The following MAST2 variants were observed in gnomAD, a reference collection of about 807,000 sequenced individuals.
The protein encoded by MAST2 is microtubule-associated serine/threonine-protein kinase 2.
Under a neutral mutation model 147.4 loss-of-function variants are expected in MAST2, and 70 were observed. That is an observed-to-expected ratio of 0.47 (90% CI 0.39 to 0.58). The LOEUF is 0.58. Ranked by LOEUF, MAST2 falls within the 20% of genes least tolerant of loss-of-function variation. The pLI, the probability that MAST2 is intolerant of heterozygous loss-of-function variation, is 0.00. For missense variants in MAST2, 2,080 were observed against 2,302.3 expected, an observed-to-expected ratio of 0.90 and a Z score of 1.98; for synonymous variants, 869 against 896.8, an observed-to-expected ratio of 0.97 and a Z score of 0.55.
At chr1:45,923,359 G>A (rs1282402782) in intron 4 of MAST2, among the ~76,000 whole-genome samples, 3 of 152,164 alleles carry the variant, frequency 2.0e-5, no homozygotes, top group Non-Finnish European at 4.4e-5. Context: ...TGGCAGTGAC[G>A]GGCTGCCACT....
intron 16 of MAST2, 71 bp downstream of exon 16, chr1:46,025,886 C>G: frequency 6.3e-7 from 1 of 1,586,956 alleles, no homozygotes; most frequent in South Asian, 1.1e-5. Context: ...TTGGCAAGCA[C>G]AGTAGCTCTA....
chr1:45,831,950 T>A (rs1330705628), intron 3 of MAST2, among the ~76,000 whole-genome samples: 1 of 152,004 alleles, frequency 6.6e-6, no homozygotes, highest in Non-Finnish European at 1.5e-5. Context: ...TGGCTAATTT[T>A]TGTATTTTTA....
rs1570995144 is a variant in MAST2, at chr1:45,970,861, A to G, written c.592+11384A>G. On this transcript the variant is annotated intron_variant, in intron 5 of 28. Coordinates refer to ENST00000361297, the MANE Select transcript of MAST2 (RefSeq NM_015112.3). The stretch of plus-strand genomic sequence containing the variant: ...TTTTACTTGTTAAAACAGAGTGGCA[A>G]CTCCTAAGCTCTTTACATGCCAGGC... Among the ~76,000 whole-genome samples, 3 of 147,452 alleles carry G rather than the reference A, an allele frequency of 2.0e-5. 1 individual carries two copies.
At chr1:45,873,616 C>G (rs1646486034) in intron 3 of MAST2, among the ~76,000 whole-genome samples, 2 of 152,056 alleles carry the variant, frequency 1.3e-5, no homozygotes, top group Admixed American at 6.6e-5. Context: ...CTCAGGTGAA[C>G]AGGTAAGAAT....
At chr1:46,024,075 T>A (rs1169783700) in intron 15 of MAST2, 95 bp downstream of exon 15, 5 of 1,226,128 alleles carry the variant, frequency 4.1e-6, no homozygotes, top group Middle Eastern at 3.8e-4. Context: ...AGGTGAAGTT[T>A]CAGGGCCCAG....
At chr1:45,952,353 T>TA (rs1462816701) in intron 4 of MAST2, among the ~76,000 whole-genome samples, 2 of 152,084 alleles carry the variant, frequency 1.3e-5, no homozygotes, top group African/African-American at 4.8e-5. Flanking sequence ...ATAGAGACAG[T>TA]ACGTTGGTGG....
intron 3 of MAST2, among the ~76,000 whole-genome samples, chr1:45,871,586 G>T (rs1270648671): frequency 2.0e-5 from 3 of 152,164 alleles, no homozygotes; most frequent in Non-Finnish European, 4.4e-5. Context: ...TAGAAAGCCA[G>T]CCCCCTCTGC....
chr1:45,869,729 AT>A (rs1272428132), intron 3 of MAST2, among the ~76,000 whole-genome samples: 4 of 152,346 alleles, frequency 2.6e-5, no homozygotes, highest in East Asian at 3.9e-4. Context: ...GTTACAAAAA[AT>A]AACAGTGTCT....
chr1:45,953,929 T>C (rs1247111834), intron 4 of MAST2, among the ~76,000 whole-genome samples: 10 of 152,168 alleles, frequency 6.6e-5, no homozygotes, highest in Non-Finnish European at 1.5e-5. Context: ...GAATATGTAT[T>C]TTTTTCCCAC....
At chr1:45,993,040 T>C (rs1485852392) in intron 5 of MAST2, among the ~76,000 whole-genome samples, 1 of 152,138 alleles carries the variant, frequency 6.6e-6, no homozygotes, top group Non-Finnish European at 1.5e-5. Context: ...ATAAGAATCT[T>C]CCATTTCTCC....
chr1:45,906,344 T>C (rs780581809), intron 4 of MAST2, among the ~76,000 whole-genome samples: 13 of 152,140 alleles, frequency 8.5e-5, no homozygotes, highest in Admixed American at 3.3e-4. Flanking sequence ...TGTTTGTGTC[T>C]TCATTTTTGG....
At chr1:45,982,151 A>G (rs534327954) in intron 5 of MAST2, among the ~76,000 whole-genome samples, 1 of 152,102 alleles carries the variant, frequency 6.6e-6, no homozygotes, top group Non-Finnish European at 1.5e-5. Context: ...GCCCGGCTGT[A>G]ATTTTGGCCT....
At chr1:45,890,229 A>G (rs1284068508) in intron 4 of MAST2, among the ~76,000 whole-genome samples, 1 of 152,208 alleles carries the variant, frequency 6.6e-6, no homozygotes, top group African/African-American at 2.4e-5. Context: ...CTCTTACATC[A>G]GTTGTAAATA....
At chr1:45,958,191 A>T (rs1452430917) in intron 4 of MAST2, among the ~76,000 whole-genome samples, 1 of 152,032 alleles carries the variant, frequency 6.6e-6, no homozygotes, top group African/African-American at 2.4e-5. Flanking sequence ...ATTTCTAATG[A>T]TAATCTCTTT....
At position 46,032,794 on chromosome 1, in the gene MAST2, T is replaced by C. The variant is rs1223738878; in HGVS notation, c.3537+76T>C. 2.6e-6 allele frequency: 4 copies of C among 1,549,710 alleles called. No individual in the cohort carries two copies. In the East Asian group the frequency reaches 9.0e-5, roughly 35 times the overall value. ...GAGTCTGTGATGGCAGTTAGGGGAG[T>C]GGGTGAGTTGGGTGCACACACATCT... On this transcript the variant is annotated intron_variant, in intron 26 of 28. Coordinates refer to ENST00000361297, the MANE Select transcript of MAST2 (RefSeq NM_015112.3).
Position 46,035,616 on chromosome 1 carries a change from C to T in MAST2, c.4947C>T (p.Thr1649=). Reference sequence around the variant, plus strand: ...GCAGTTGCTCTCCTCCCAGCTCCACCTCTGGGAAGCTGAGCATGTGGTCCT... The same window carrying T: ...GCAGTTGCTCTCCTCCCAGCTCCACTTCTGGGAAGCTGAGCATGTGGTCCT... ...PTSSCSPPSS[T]SGKLSMWSWK... Residue 1649 remains threonine, a synonymous_variant, in exon 29 of 29, where the codon ACC becomes ACT. Transcript: ENST00000361297. The surrounding 1 kb of genome is among the most constrained non-coding windows in gnomAD (Gnocchi z 5.5). 3.1e-6 allele frequency: 5 copies of T among 1,613,942 alleles called. No homozygotes were observed. Among genetic ancestry groups the T allele is most frequent in the Non-Finnish European group, 4.2e-6 (5 of 1,180,010 alleles).
chr1:45,825,523 C>G (rs1644764995), intron 2 of MAST2, among the ~76,000 whole-genome samples: 1 of 151,750 alleles, frequency 6.6e-6, no homozygotes, highest in Non-Finnish European at 1.5e-5. Context: ...ACCTCTACCT[C>G]CCAGGTTCAA....
chr1:45,849,166 T>C (rs1180160033), intron 3 of MAST2, among the ~76,000 whole-genome samples: 1 of 152,078 alleles, frequency 6.6e-6, no homozygotes, highest in East Asian at 1.9e-4. Context: ...CCTAAAGCAG[T>C]TTACAGATTC....
chr1:45,952,870 CAAA>C (rs1659130938), intron 4 of MAST2, among the ~76,000 whole-genome samples: 3 of 151,928 alleles, frequency 2.0e-5, no homozygotes, highest in South Asian at 2.1e-4. Context: ...ATTTCAGAAA[CAAA>C]GAAGAAATAC....
Sources: allele counts gnomAD v4.1 joint callset (sites outside exome capture counted in the v4.1 genomes callset), GRCh38; gene constraint gnomAD v4.1.1; non-coding constraint Gnocchi (gnomAD v3.1); transcripts MANE v1.5; gene names NCBI Gene and HGNC (gene_info 2026-07-23, HGNC 2026-07-21).